ZNF280D: variants seen among roughly 807,000 people sequenced by gnomAD.
ZNF280D encodes the protein suppressor of hairy wing homolog 4.
In ZNF280D, 39 loss-of-function variants were observed where a neutral mutation model predicts 94.7. That is an observed-to-expected ratio of 0.41 (90% CI 0.32 to 0.54). The LOEUF is 0.54. Ranked by LOEUF, ZNF280D falls within the 20% of genes least tolerant of loss-of-function variation. The pLI is 0.22. For missense variants in ZNF280D, 1,090 were observed against 1,149.3 expected (o/e 0.95, Z 0.75); for synonymous variants, 398 against 377.6 (o/e 1.05, Z -0.63).
chr15:56,648,652 TA>T (rs1320707737), intron 19 of ZNF280D, among the ~76,000 whole-genome samples: 3 of 152,148 alleles, frequency 2.0e-5, no homozygotes, highest in Admixed American at 1.3e-4. Flanking sequence ...GTCTCATCCA[TA>T]AAATCAGACA....
intron 9 of ZNF280D, among the ~76,000 whole-genome samples, chr15:56,687,838 T>C (rs922673887): frequency 6.6e-6 from 1 of 152,200 alleles, no homozygotes; most frequent in Non-Finnish European, 1.5e-5. Context: ...CAAATATGGC[T>C]CTGTACGTAT....
At chr15:56,676,842 T>C (rs2055264405) in intron 12 of ZNF280D, 26 bp from the exon 13 acceptor site, 3 of 1,542,840 alleles carry the variant, frequency 1.9e-6, no homozygotes, top group Non-Finnish European at 2.6e-6. Flanking sequence ...AGGCTTAGTT[T>C]AACTTGAAAA....
At chr15:56,649,419 G>A (rs1371680135) in intron 19 of ZNF280D, among the ~76,000 whole-genome samples, 1 of 152,050 alleles carries the variant, frequency 6.6e-6, no homozygotes, top group African/African-American at 2.4e-5. Context: ...GAAACCACTT[G>A]CAATTACATA....
chr15:56,692,382 C>T (rs1333178681), intron 7 of ZNF280D, among the ~76,000 whole-genome samples: 2 of 152,034 alleles, frequency 1.3e-5, no homozygotes, highest in African/African-American at 2.4e-5. Context: ...ATCATGTATA[C>T]GTCTGTTTAG....
chr15:56,653,897 T>C, intron 19 of ZNF280D: 1 of 1,257,728 alleles, frequency 8.0e-7, no homozygotes, highest in Non-Finnish European at 1.0e-6. Flanking sequence ...AATAAGAATC[T>C]AGTCCCATTT....
intron 1 of ZNF280D, among the ~76,000 whole-genome samples, chr15:56,722,886 T>G (rs1345101500): frequency 6.6e-6 from 1 of 151,740 alleles, no homozygotes; most frequent in Non-Finnish European, 1.5e-5. Context: ...CACCATGGAA[T>G]ACTATGCAGC....
At chr15:56,634,892 G>A (rs1309063487) in intron 21 of ZNF280D, among the ~76,000 whole-genome samples, 1 of 152,002 alleles carries the variant, frequency 6.6e-6, no homozygotes, top group Non-Finnish European at 1.5e-5. Context: ...TCTTGTAAAT[G>A]TTTTCATTTA....
intron 19 of ZNF280D, among the ~76,000 whole-genome samples, chr15:56,650,910 G>T (rs574320651): frequency 7.9e-5 from 12 of 152,020 alleles, no homozygotes; most frequent in Non-Finnish European, 1.5e-4. Context: ...TCTCAGTGAG[G>T]CCTCACTAAA....
Position 56,654,417 on chromosome 15 carries a change from T to G in ZNF280D, c.2144A>C (p.Lys715Thr), listed in dbSNP as rs1299097210. 3 of 1,609,614 alleles carry G rather than the reference T, an allele frequency of 1.9e-6. No individual in the cohort carries two copies. The highest frequency in any genetic ancestry group is 2.5e-6 in the Non-Finnish European group (3 of 1,178,870). The change falls in exon 18 of 22, where the codon AAA becomes ACA. Residue 715 changes from lysine to threonine, a missense_variant. Transcript: ENST00000267807. ...DNMATHLSQH[K>T]THTCQVVMQK... ...CATTACAACTTGGCAAGTATGAGTT[T>G]TATGTTGACTTAAGTGTGTAGCCAT... is the stretch of plus-strand genomic sequence containing the variant.
At chr15:56,727,224 C>T (rs2058669795) in intron 1 of ZNF280D, among the ~76,000 whole-genome samples, 1 of 53,636 alleles carries the variant, frequency 1.9e-5, no homozygotes, top group South Asian at 6.6e-4. Flanking sequence ...AATCCCAGCA[C>T]TTTGGGAGGT....
intron 13 of ZNF280D, among the ~76,000 whole-genome samples, chr15:56,673,164 C>T (rs8036217): frequency 0.49 from 74,771 of 151,624 alleles, 19,851 homozygotes; most frequent in Non-Finnish European, 0.6. Flanking sequence ...TTTTAAATAC[C>T]ATCTATCCAA....
intron 21 of ZNF280D, 152 bp from the exon 22 acceptor site, chr15:56,632,274 A>G: frequency 1.4e-6 from 1 of 691,094 alleles, no homozygotes; most frequent in South Asian, 2.5e-5. Flanking sequence ...TCGCTATGGC[A>G]GTAAAATTTA....
intron 1 of ZNF280D, among the ~76,000 whole-genome samples, chr15:56,710,713 G>A (rs1236652803): frequency 6.6e-6 from 1 of 151,988 alleles, no homozygotes; most frequent in Non-Finnish European, 1.5e-5. Context: ...TTAACTATCT[G>A]AAATTTTCAC....
Position 56,647,369 on chromosome 15 carries a change from T to C in ZNF280D, c.2214-4372A>G, listed in dbSNP as rs530914648. Among the ~76,000 whole-genome samples the C allele has an allele frequency of 1.4e-3, 212 of 152,234 alleles. 1 individual carries two copies. Among genetic ancestry groups the C allele is most frequent in the African/African-American group, 5.0e-3 (206 of 41,538 alleles). On this transcript the variant is annotated intron_variant, in intron 19 of 21. Transcript: ENST00000267807. ...GGCTGGTAAGAGATTATTCATGATATGGAATTCGAAGAAGGGAGAAAGCAT... is the reference window on the plus strand; with the variant it reads ...GGCTGGTAAGAGATTATTCATGATACGGAATTCGAAGAAGGGAGAAAGCAT...
intron 13 of ZNF280D, among the ~76,000 whole-genome samples, chr15:56,670,791 C>T (rs1566962589): frequency 6.6e-6 from 1 of 151,922 alleles, no homozygotes; most frequent in Non-Finnish European, 1.5e-5. Flanking sequence ...TTAATTTACA[C>T]TCCCACCAAC....
In ZNF280D at chr15:56,701,202, C is replaced by A; in HGVS notation, c.212G>T (p.Arg71Met). Residue 71 changes from arginine (R) to methionine (M), a missense_variant, in exon 5 of 22, where the codon AGG (arginine) becomes ATG (methionine). By Grantham distance (91) the Arg-to-Met change is moderately conservative. Coordinates refer to ENST00000267807, the MANE Select transcript of ZNF280D (RefSeq NM_017661.4). The part of the protein sequence containing the change: ...LNRVNPSSYS[R>M]GLKNGALSRG... ...ACTGAGTGCACCATTCTTTAGTCCC[C>A]TTGAATATGAGCTGGGGTTAACTCT... The A allele has an allele frequency of 1.3e-6, 2 of 1,587,828 alleles. No individual in the cohort carries two copies. Among genetic ancestry groups the A allele is most frequent in the East Asian group, 2.4e-5 (1 of 42,224 alleles).
rs183874805 is a variant in ZNF280D, at chr15:56,724,287, T to C, written c.-86+9171A>G. On this transcript the variant is annotated intron_variant, in intron 1 of 21. Coordinates refer to ENST00000267807, the MANE Select transcript of ZNF280D (RefSeq NM_017661.4). ...CCCCCAAATTAACAATTTACTAAAA[T>C]AATGCTTTCATTCTGTCATTTACCA... Among the ~76,000 whole-genome samples the C allele has an allele frequency of 2.3e-3, 344 of 152,310 alleles. 2 individuals are homozygous for C. The highest frequency in any genetic ancestry group is 8.1e-3 in the African/African-American group (335 of 41,564).
Position 56,663,637 on chromosome 15 carries a change from T to A in ZNF280D, c.1994+2758A>T, listed in dbSNP as rs188698406. Among the ~76,000 whole-genome samples, 11 of 152,336 alleles carry A rather than the reference T, an allele frequency of 7.2e-5. No homozygotes were observed. In the East Asian group the frequency reaches 1.5e-3, roughly 21 times the overall value. On this transcript the variant is annotated intron_variant, in intron 16 of 21. Transcript: ENST00000267807. ...ACCCTAAGAGTGGCAATGGAAGCTT[T>A]TAGTTCCATATGACACTAAGAGCTG... is the stretch of plus-strand genomic sequence containing the variant.
chr15:56,708,483 A>T (rs1472842880), intron 1 of ZNF280D, among the ~76,000 whole-genome samples: 3 of 152,176 alleles, frequency 2.0e-5, no homozygotes, highest in African/African-American at 7.2e-5. Context: ...TATTTTTAAG[A>T]TTCACAATTA....
Sources: gnomAD v4.1 joint callset for allele counts (sites outside exome capture counted in the v4.1 genomes callset) on GRCh38, gnomAD v4.1.1 for gene constraint, MANE v1.5 for transcripts, NCBI Gene and HGNC (gene_info 2026-07-23, HGNC 2026-07-21) for gene names.